INCENP: variants seen among roughly 807,000 people sequenced by gnomAD.
INCENP encodes the protein binds and activates aurora-B and -C in vivo and in vitro.
INCENP carries 43 observed loss-of-function variants against 107.3 expected under a neutral mutation model. The ratio of observed to expected loss-of-function variants is 0.40; its 90% confidence interval spans 0.31 to 0.52. The LOEUF (loss-of-function observed/expected upper bound fraction) is 0.52. INCENP is among the 20% of genes least tolerant of loss of function. INCENP has a pLI of 0.53. For missense variants in INCENP, 1,089 were observed against 1,250.9 expected (o/e 0.87, Z 1.95); for synonymous variants, 488 against 494.4 (o/e 0.99, Z 0.17).
intron 1 of INCENP, among the ~76,000 whole-genome samples, chr11:62,124,837 A>G (rs972103145): frequency 6.6e-6 from 1 of 152,208 alleles, no homozygotes; most frequent in African/African-American, 2.4e-5. Context: ...CTTTGCCTCA[A>G]TTTCCTCATC....
At chr11:62,124,325 G>C (rs1326798211) in intron 1 of INCENP, among the ~76,000 whole-genome samples, 162 bp downstream of exon 1, 1 of 152,218 alleles carries the variant, frequency 6.6e-6, no homozygotes, top group Non-Finnish European at 1.5e-5. Flanking sequence ...GAGGTCGCCT[G>C]CCTTGGTTCT....
At chr11:62,143,682 C>T (rs1040539951) in intron 11 of INCENP, among the ~76,000 whole-genome samples, 6 of 152,154 alleles carry the variant, frequency 3.9e-5, no homozygotes, top group East Asian at 1.9e-4. Flanking sequence ...GATTTCTAGG[C>T]GAGAGTGCTC....
rs1278446340 is a variant in INCENP at position 62,138,607 on chromosome 11, T to G, written c.1116-106T>G. ...GTTCGTGGCCCTGGCCAGGGCACCT[T>G]GTGTTGACCTCTTGGGTCCCCATCC... On this transcript the variant is annotated intron_variant, in intron 5 of 18. Transcript: ENST00000394818. The G allele has an allele frequency of 3.8e-6, 4 of 1,055,586 alleles. No homozygotes were observed. The African/African-American group carries it at 6.3e-5, about 17-fold the overall frequency. The allele number at this position is 1,055,586 out of a possible 1,614,324, so 65.4% of individuals were successfully genotyped here.
intron 13 of INCENP, 35 bp from the exon 14 acceptor site, chr11:62,145,594 G>A (rs545935086): frequency 1.3e-6 from 2 of 1,577,270 alleles, no homozygotes; most frequent in Admixed American, 3.6e-5. Context: ...TTGAATGTGG[G>A]TGCTCCAATG....
At chr11:62,141,675 C>T (rs146504635) in intron 11 of INCENP, 164 bp downstream of exon 11, 49 of 921,540 alleles carry the variant, frequency 5.3e-5, no homozygotes, top group South Asian at 3.7e-4. Context: ...TGGCTGGAGG[C>T]GCCCAGCAGT....
At position 62,146,672 on chromosome 11, in the gene INCENP, G is replaced by T; in HGVS notation, c.1974G>T (p.Arg658=). ...CTCTGTTTCAGGAGGAGGAAGAGCG[G>T]CGGCACCAAGAGCTGCTGCAGAAGA... The part of the protein sequence containing the change: ...LRWLQQEEEE[R]RHQELLQKKK... Residue 658 remains arginine, a synonymous_variant, in exon 15 of 19, where the codon CGG becomes CGT. Coordinates refer to ENST00000394818, the MANE Select transcript of INCENP (RefSeq NM_001040694.2). 3 of 1,550,886 alleles carry T rather than the reference G, an allele frequency of 1.9e-6. No homozygotes were observed. The highest frequency in any genetic ancestry group is 2.4e-5 in the South Asian group (2 of 84,058).
intron 7 of INCENP, 82 bp downstream of exon 7, chr11:62,139,087 A>T (rs1262761822): frequency 2.1e-6 from 2 of 947,358 alleles, no homozygotes; most frequent in Admixed American, 1.8e-5. Flanking sequence ...CTCTCTGGGG[A>T]TAAGGAAGCC....
chr11:62,136,703 T>A (rs1944002078), intron 4 of INCENP, among the ~76,000 whole-genome samples: 1 of 151,962 alleles, frequency 6.6e-6, no homozygotes, highest in Admixed American at 6.6e-5. Context: ...AAATTAGTAC[T>A]TTTTACACCT....
chr11:62,151,780 C>A lies in INCENP; in HGVS notation c.2561C>A (p.Ala854Asp). 6.2e-7 allele frequency: 1 copy of A among 1,614,096 alleles called. No individual in the cohort carries two copies. Among genetic ancestry groups the A allele is most frequent in the Non-Finnish European group, 8.5e-7 (1 of 1,180,018 alleles). ...TWARGTPLSQ[A>D]IIHQYYHPPN... is the part of the protein sequence containing the mutation. ...CCTGCAGGCACCCCGCTCAGCCAGGCTATCATTCACCAGTACTACCACCCA... is the reference window on the plus strand; with the variant it reads ...CCTGCAGGCACCCCGCTCAGCCAGGATATCATTCACCAGTACTACCACCCA... The change falls in exon 19 of 19, where the codon GCT becomes GAT. Residue 854 changes from alanine to aspartate, a missense_variant. By Grantham distance (126) the Ala-to-Asp change is moderately radical. Coordinates refer to ENST00000394818, the MANE Select transcript of INCENP (RefSeq NM_001040694.2).
intron 7 of INCENP, among the ~76,000 whole-genome samples, chr11:62,139,536 T>G (rs1001163768): frequency 5.3e-5 from 8 of 152,154 alleles, no homozygotes; most frequent in Non-Finnish European, 1.0e-4. Flanking sequence ...GAACACGGCC[T>G]CCTCCTCTTT....
Position 62,130,374 on chromosome 11 carries a change from G to A in INCENP, c.847G>A (p.Ala283Thr). 1 of 1,612,464 alleles carries A rather than the reference G, an allele frequency of 6.2e-7. No homozygotes were observed. The highest frequency in any genetic ancestry group is 8.5e-7 in the Non-Finnish European group (1 of 1,179,992). The change falls in exon 4 of 19, where the codon GCT becomes ACT. Residue 283 changes from alanine to threonine, a missense_variant. Physicochemically the swap from Ala to Thr is moderately conservative, Grantham distance 58. Transcript: ENST00000394818. Reference sequence around the variant, plus strand: ...TTCTCCATGGCGGGAGCGGGTGCTGGCTCCCATCCTGCCGGATAACTTCTC... The same window carrying A: ...TTCTCCATGGCGGGAGCGGGTGCTGACTCCCATCCTGCCGGATAACTTCTC... Reference protein sequence around the residue: ...PDSPWRERVLAPILPDNFSTP... With the variant: ...PDSPWRERVLTPILPDNFSTP...
At chr11:62,138,680 G>C (rs778784929) in intron 5 of INCENP, 33 bp from the exon 6 acceptor site, 8 of 1,605,986 alleles carry the variant, frequency 5.0e-6, no homozygotes, top group Admixed American at 1.7e-5. Context: ...GACTAGCTGG[G>C]CAGTCCCCTC....
chr11:62,127,042 T>G (rs1565088785), intron 1 of INCENP, among the ~76,000 whole-genome samples: 4 of 95,666 alleles, frequency 4.2e-5, no homozygotes, highest in Non-Finnish European at 2.5e-5. Context: ...TTTTTTGTTT[T>G]GTTTTTTTTT....
In INCENP at chr11:62,149,985, G is replaced by A. The variant is rs778373725; in HGVS notation, c.2392-72G>A. 2.6e-4 allele frequency: 376 copies of A among 1,471,364 alleles called. 1 individual carries two copies. Among genetic ancestry groups the A allele is most frequent in the Non-Finnish European group, 3.5e-4 (368 of 1,064,012 alleles). The allele number at this position is 1,471,364 out of a possible 1,614,324, so 91.1% of individuals were successfully genotyped here. A position where few individuals can be genotyped will look rare whatever the true frequency, so the allele number is the denominator to read the frequency against. ...TGTGAAATAGGAGGAGGTGAGCAGT[G>A]CCCCAGCACTCCTCGGTGGTGAGAG... is the stretch of plus-strand genomic sequence containing the variant. On this transcript the variant is annotated intron_variant, in intron 17 of 18. Coordinates refer to ENST00000394818, the MANE Select transcript of INCENP (RefSeq NM_001040694.2).
chr11:62,129,750 C>T (rs768996538), intron 3 of INCENP, 32 bp from the exon 4 acceptor site: 49 of 1,565,612 alleles, frequency 3.1e-5, no homozygotes, highest in East Asian at 1.1e-4. Flanking sequence ...TCCTGCTGCC[C>T]GTCTCAGCCT....
intron 4 of INCENP, among the ~76,000 whole-genome samples, chr11:62,137,295 T>C (rs1011718300): frequency 1.3e-5 from 2 of 152,114 alleles, no homozygotes; most frequent in Non-Finnish European, 2.9e-5. Flanking sequence ...AGAGCAAGAC[T>C]CCGTCTCAAA....
chr11:62,138,932 G>A lies in INCENP; in HGVS notation c.1218G>A (p.Thr406=), dbSNP rs1389329008. The stretch of plus-strand genomic sequence containing the variant: ...ATAACTCGTGGCCCCACAATGACAC[G>A]GAGATTGCCAACAGCACACCCAACC... ...NGNNSWPHND[T]EIANSTPNPK... The change falls in exon 7 of 19, where the codon ACG becomes ACA. Residue 406 remains threonine (T), a synonymous_variant. Transcript: ENST00000394818. 22 of 1,613,980 alleles carry A rather than the reference G, an allele frequency of 1.4e-5. No individual in the cohort carries two copies. The highest frequency in any genetic ancestry group is 3.3e-4 in the Middle Eastern group (2 of 6,082).
At chr11:62,128,693 C>A in intron 2 of INCENP, 77 bp from the exon 3 acceptor site, 1 of 1,019,276 alleles carries the variant, frequency 9.8e-7, no homozygotes, top group Non-Finnish European at 1.6e-6. Flanking sequence ...AGGAAATGGG[C>A]AGGGGCCAGG....
rs760494438 is a variant in INCENP at position 62,130,311 on chromosome 11, G to A, written c.784G>A (p.Val262Ile). The A allele has an allele frequency of 6.2e-7, 1 of 1,611,596 alleles. No individual in the cohort carries two copies. Among genetic ancestry groups the A allele is most frequent in the South Asian group, 1.1e-5 (1 of 91,082 alleles). ...TGCGTCTAAGCTCAGGATTGCGCAGGTCTCCCCTGGCCCACGGGACTCGCC... is the reference window on the plus strand; with the variant it reads ...TGCGTCTAAGCTCAGGATTGCGCAGATCTCCCCTGGCCCACGGGACTCGCC... ...RSASKLRIAQ[V>I]SPGPRDSPAF... is the part of the protein sequence containing the mutation. The change falls in exon 4 of 19, where the codon GTC (valine) becomes ATC (isoleucine). Residue 262 changes from valine to isoleucine, a missense_variant. Transcript: ENST00000394818.
Sources: allele counts gnomAD v4.1 joint callset (sites outside exome capture counted in the v4.1 genomes callset), GRCh38; gene constraint gnomAD v4.1.1; transcripts MANE v1.5; gene names NCBI Gene and HGNC (gene_info 2026-07-23, HGNC 2026-07-21).